PRKD3: variants seen among roughly 807,000 people sequenced by gnomAD.
The protein encoded by PRKD3 is protein kinase D3, also known as serine/threonine-protein kinase D3.
Under a neutral mutation model 99.2 loss-of-function variants are expected in PRKD3, and 47 were observed. The ratio of observed to expected loss-of-function variants is 0.47; its 90% CI spans 0.38 to 0.60. PRKD3 has a LOEUF of 0.60. Ranked by LOEUF, PRKD3 falls within the 20% of genes least tolerant of loss-of-function variation. The probability of loss-of-function intolerance (pLI) is 0.00; values close to 1 mark genes in which losing one functional copy is unlikely to be tolerated. For synonymous variants in PRKD3, 392 were observed against 355.4 expected (o/e 1.10, Z -1.16); for missense variants, 1,019 against 1,088.4 (o/e 0.94, Z 0.90).
chr2:37,256,744 A>T lies in PRKD3; in HGVS notation c.2331T>A (p.Asn777Lys). 6.2e-7 allele frequency: 1 copy of T among 1,609,232 alleles called. No homozygotes were observed. Among genetic ancestry groups the T allele is most frequent in the South Asian group, 1.1e-5 (1 of 90,978 alleles). The part of the protein sequence containing the change: ...YVSLSGTFPF[N>K]EDEDINDQIQ... ...TTTGGTCATTTATATCTTCATCCTC[A>T]TTAAAAGGAAATGTGCCACTGAGGC... The change falls in exon 17 of 19, where the codon AAT becomes AAA. Residue 777 changes from asparagine to lysine, a missense_variant. Around this residue, in one of 3 missense-constraint regions of PRKD3, gnomAD observed 184 missense variants for 275.1 expected, o/e 0.67. Coordinates refer to ENST00000234179, the MANE Select transcript of PRKD3 (RefSeq NM_005813.6).
chr2:37,298,848 T>A (rs1231832322), intron 2 of PRKD3, among the ~76,000 whole-genome samples: 1 of 152,238 alleles, frequency 6.6e-6, no homozygotes, highest in Non-Finnish European at 1.5e-5. Flanking sequence ...TTTTTCTAAA[T>A]AGAAGATCAT....
At chr2:37,260,491 G>T in intron 14 of PRKD3, 107 bp from the exon 15 acceptor site, 1 of 1,014,726 alleles carries the variant, frequency 9.9e-7, no homozygotes, top group Admixed American at 2.6e-5. Context: ...AAAGCCTAGA[G>T]AAGTAAACAA....
intron 11 of PRKD3, among the ~76,000 whole-genome samples, chr2:37,273,149 G>GT (rs1669386973): frequency 6.6e-6 from 1 of 152,018 alleles, no homozygotes; most frequent in African/African-American, 2.4e-5. Flanking sequence ...TTATAATGTT[G>GT]TTTTTTGGTA....
chr2:37,323,927 C>G (rs1671991063), intron 1 of PRKD3, among the ~76,000 whole-genome samples: 1 of 152,142 alleles, frequency 6.6e-6, no homozygotes, highest in African/African-American at 2.4e-5. Context: ...AGGTCGCGCG[C>G]ACACACTTGT....
intron 4 of PRKD3, among the ~76,000 whole-genome samples, 157 bp from the exon 5 acceptor site, chr2:37,289,670 T>A (rs1335144281): frequency 6.6e-6 from 1 of 152,168 alleles, no homozygotes; most frequent in Non-Finnish European, 1.5e-5. Context: ...TGGAAGCTAA[T>A]GAATTCAAGA....
intron 7 of PRKD3, among the ~76,000 whole-genome samples, chr2:37,280,823 C>G (rs1017832873): frequency 4.6e-5 from 7 of 152,096 alleles, no homozygotes; most frequent in Non-Finnish European, 8.8e-5. Context: ...GAAATGAAAG[C>G]CCATAGAATG....
chr2:37,279,732 T>C lies in PRKD3; in HGVS notation c.1172+14A>G, dbSNP rs374172891. The C allele has an allele frequency of 3.0e-5, 47 of 1,586,336 alleles. No individual in the cohort carries two copies. In the African/African-American group the frequency reaches 5.0e-4, roughly 17 times the overall value. On this transcript the variant is annotated intron_variant, in intron 8 of 18. Coordinates refer to ENST00000234179, the MANE Select transcript of PRKD3 (RefSeq NM_005813.6). ...TTGCATCTGGAAGTAGCTTGTAATA[T>C]GTATATATATTACCTGATTGTTTTA... is the stretch of plus-strand genomic sequence containing the variant.
At chr2:37,294,293 G>A (rs955145220) in intron 2 of PRKD3, among the ~76,000 whole-genome samples, 5 of 152,012 alleles carry the variant, frequency 3.3e-5, no homozygotes, top group Admixed American at 1.3e-4. Flanking sequence ...CAGGGGTCTC[G>A]CTGTGTGGCC....
At chr2:37,261,224 C>T (rs184811955) in intron 14 of PRKD3, among the ~76,000 whole-genome samples, 85 of 152,138 alleles carry the variant, frequency 5.6e-4, no homozygotes, top group Admixed American at 2.4e-3. Context: ...TGGTGGCTCA[C>T]GCCTGTAATC....
chr2:37,318,632 A>C (rs1671760298), intron 1 of PRKD3, among the ~76,000 whole-genome samples: 1 of 152,264 alleles, frequency 6.6e-6, no homozygotes, highest in African/African-American at 2.4e-5. Flanking sequence ...TCTTCTCCAC[A>C]GTTTTAAACT....
Position 37,288,545 on chromosome 2 carries a change from C to T in PRKD3, c.717+811G>A, listed in dbSNP as rs192241895. Among the ~76,000 whole-genome samples the T allele has an allele frequency of 2.0e-5, 3 of 152,280 alleles. No homozygotes were observed. The East Asian group carries it at 5.8e-4, about 29-fold the overall frequency. On this transcript the variant is annotated intron_variant, in intron 5 of 18. Coordinates refer to ENST00000234179, the MANE Select transcript of PRKD3 (RefSeq NM_005813.6). ...AACTAAATAATAAGATTACAACCTA[C>T]AGATGGAAGTCATTTCAAATACTAT... is the stretch of plus-strand genomic sequence containing the variant.
At chr2:37,254,789 C>G (rs749209284) in intron 17 of PRKD3, among the ~76,000 whole-genome samples, 10 of 152,198 alleles carry the variant, frequency 6.6e-5, no homozygotes, top group Non-Finnish European at 1.3e-4. Flanking sequence ...TCTGGAAAGG[C>G]ACTGCCTTGC....
In PRKD3 at chr2:37,309,789, A is replaced by C. The variant is rs1401551736; in HGVS notation, c.288+6448T>G. Among the ~76,000 whole-genome samples the C allele has an allele frequency of 2.1e-5, 3 of 146,184 alleles. No homozygotes were observed. The East Asian group carries it at 6.5e-4, about 31-fold the overall frequency. ...CTTGAACCAGTGAGTCGGAAGTTGC[A>C]GTGAGCCGAGATCGCGCCACTGCAT... On this transcript the variant is annotated intron_variant, in intron 2 of 18. Coordinates refer to ENST00000234179, the MANE Select transcript of PRKD3 (RefSeq NM_005813.6).
chr2:37,289,572 T>C (rs970766891), intron 4 of PRKD3, 59 bp from the exon 5 acceptor site: 3 of 1,369,822 alleles, frequency 2.2e-6, no homozygotes, highest in Admixed American at 4.3e-5. Flanking sequence ...TATTTAAGTG[T>C]GATACATAAA....
rs367931959 is a variant in PRKD3, at chr2:37,284,184, G to A, written c.911-1565C>T. 9.0e-4 allele frequency among the ~76,000 whole-genome samples: 137 copies of A among 152,028 alleles called. 2 individuals carry two copies. In the South Asian group the frequency reaches 0.027, roughly 30 times the overall value. On this transcript the variant is annotated intron_variant, in intron 6 of 18. Transcript: ENST00000234179. ...ATCTTAACAAAATCATTTTTCTTTC[G>A]TAGACTGACAAATGAAAATATTTTT...
At position 37,274,465 on chromosome 2, in the gene PRKD3, G is replaced by A; in HGVS notation, c.1607C>T (p.Pro536Leu). The A allele has an allele frequency of 2.5e-6, 4 of 1,614,118 alleles. No individual in the cohort carries two copies. The highest frequency in any genetic ancestry group is 2.5e-6 in the Non-Finnish European group (3 of 1,179,976). Residue 536 changes from proline to leucine, a missense_variant, in exon 11 of 19, where the codon CCT (proline) becomes CTT (leucine). Transcript: ENST00000234179. ...TGGAGAAGTGCAAACACTTGCTTGA[G>A]GAGTAACAGGCATGAGGGCTTGGCG... ...AIRQALMPVTPQASVCTSPGQ... is the reference protein window; with the variant it reads ...AIRQALMPVTLQASVCTSPGQ...
intron 14 of PRKD3, among the ~76,000 whole-genome samples, chr2:37,261,499 G>A (rs1668449398): frequency 6.6e-6 from 1 of 150,668 alleles, no homozygotes; most frequent in Non-Finnish European, 1.5e-5. Context: ...ATAAAAAAAA[G>A]GCCGGGCGCG....
chr2:37,269,394 T>A, intron 13 of PRKD3: 1 of 543,246 alleles, frequency 1.8e-6, no homozygotes, highest in South Asian at 2.1e-5. Context: ...TAAAACACAC[T>A]GTAAAATTTT....
intron 4 of PRKD3, among the ~76,000 whole-genome samples, chr2:37,290,358 G>A (rs1010568977): frequency 1.3e-5 from 2 of 151,960 alleles, no homozygotes; most frequent in Non-Finnish European, 2.9e-5. Flanking sequence ...CCAGCCTCCC[G>A]AGTAGCTGGG....
Sources: gnomAD v4.1 joint callset for allele counts (sites outside exome capture counted in the v4.1 genomes callset) on GRCh38, gnomAD v4.1.1 for gene constraint, gnomAD v4.1.1 regional missense constraint, MANE v1.5 for transcripts, NCBI Gene and HGNC (gene_info 2026-07-23, HGNC 2026-07-21) for gene names.